FNTA: variants seen among roughly 807,000 people sequenced by gnomAD.
The protein encoded by FNTA is farnesyltransferase, CAAX box, subunit alpha.
A neutral mutation model predicts 55.2 loss-of-function variants in FNTA; 27 were observed. The observed-to-expected ratio is 0.49, with a 90% CI of 0.36 to 0.67. FNTA has a LOEUF of 0.67. Ranked by LOEUF, FNTA falls within the 30% of genes least tolerant of loss-of-function variation. FNTA has a pLI of 0.00. For synonymous variants in FNTA, 176 were observed against 170.7 expected, an observed-to-expected ratio of 1.03 and a Z score of -0.24; for missense variants, 422 against 464.7, an observed-to-expected ratio of 0.91 and a Z score of 0.85.
rs143040744 is a variant in FNTA, at chr8:43,061,356, T to A, written c.286+2179T>A. ...ACTTCACATTTTACTGACTGTGTAATCTTGGACAAGTTATTTAACTCCTAT... is the reference window on the plus strand; with the variant it reads ...ACTTCACATTTTACTGACTGTGTAAACTTGGACAAGTTATTTAACTCCTAT... On this transcript the variant is annotated intron_variant, in intron 2 of 8. Transcript: ENST00000302279. 2.0e-3 allele frequency among the ~76,000 whole-genome samples: 304 copies of A among 152,362 alleles called. 1 individual carries two copies. The highest frequency in any genetic ancestry group is 0.011 in the South Asian group (53 of 4,830).
intron 8 of FNTA, 90 bp downstream of exon 8, chr8:43,084,971 G>T: frequency 2.2e-6 from 3 of 1,362,222 alleles, no homozygotes; most frequent in Non-Finnish European, 3.1e-6. Flanking sequence ...TTTCAACATC[G>T]TTCCTCAGAA....
chr8:43,062,018 C>G (rs938496700), intron 2 of FNTA, among the ~76,000 whole-genome samples: 1 of 152,046 alleles, frequency 6.6e-6, no homozygotes, highest in Non-Finnish European at 1.5e-5. Flanking sequence ...CGCGCCTGGT[C>G]TGTTTATAAT....
rs190353526 is a variant in FNTA at position 43,068,737 on chromosome 8, A to T, written c.402-818A>T. Among the ~76,000 whole-genome samples the T allele has an allele frequency of 5.4e-3, 814 of 152,118 alleles. 19 individuals are homozygous for T. Among genetic ancestry groups the T allele is most frequent in the Admixed American group, 0.045 (694 of 15,276 alleles). On this transcript the variant is annotated intron_variant, in intron 3 of 8. Coordinates refer to ENST00000302279, the MANE Select transcript of FNTA (RefSeq NM_002027.3). The stretch of plus-strand genomic sequence containing the variant: ...CACTATTTTTTTCTTTTTGAGACAG[A>T]GTTTTGCTCTTGTTGCCCAGTCTGG...
chr8:43,067,992 C>T (rs561032879), intron 3 of FNTA, among the ~76,000 whole-genome samples: 2 of 152,178 alleles, frequency 1.3e-5, no homozygotes, highest in African/African-American at 2.4e-5. Flanking sequence ...TTCCGACTCC[C>T]GGCTTCAAGC....
chr8:43,084,944 C>G, intron 8 of FNTA, 63 bp downstream of exon 8: 2 of 1,448,484 alleles, frequency 1.4e-6, no homozygotes, highest in Admixed American at 3.8e-5. Flanking sequence ...CCCAATACCA[C>G]TAATATCCAT....
At position 43,064,230 on chromosome 8, in the gene FNTA, T is replaced by A; in HGVS notation, c.401+15T>A. ...TATACAGTGTGGTAAGTAATACACATCATCAGTATTCCCTGCTTAAATGTT... is the reference window on the plus strand; with the variant it reads ...TATACAGTGTGGTAAGTAATACACAACATCAGTATTCCCTGCTTAAATGTT... On this transcript the variant is annotated intron_variant, in intron 3 of 8. Transcript: ENST00000302279. 1 of 1,396,836 alleles carries A rather than the reference T, an allele frequency of 7.2e-7. No individual in the cohort carries two copies. Among genetic ancestry groups the A allele is most frequent in the Non-Finnish European group, 1.0e-6 (1 of 984,296 alleles). The allele number at this position is 1,396,836 out of a possible 1,614,324, so 86.5% of individuals were successfully genotyped here. A position where few individuals can be genotyped will look rare whatever the true frequency, so the allele number is the denominator to read the frequency against.
chr8:43,060,586 A>G (rs1401315959), intron 2 of FNTA, among the ~76,000 whole-genome samples: 2 of 151,866 alleles, frequency 1.3e-5, no homozygotes, highest in Non-Finnish European at 2.9e-5. Context: ...GAGGCAGGAG[A>G]ATTGCTTGAA....
rs1371093362 is a variant in FNTA at position 43,072,290 on chromosome 8, C to T, written c.616C>T (p.Arg206Ter). 6.3e-7 allele frequency: 1 copy of T among 1,581,914 alleles called. No individual in the cohort carries two copies. Among genetic ancestry groups the T allele is most frequent in the Non-Finnish European group, 8.6e-7 (1 of 1,164,344 alleles). ...DAKNYHAWQH[R>*]QWVIQEFKLW... ...AAAGAATTATCATGCCTGGCAGCATCGACAATGGGTTATTCAGGTATTGCC... is the reference window on the plus strand; with the variant it reads ...AAAGAATTATCATGCCTGGCAGCATTGACAATGGGTTATTCAGGTATTGCC... The change falls in exon 5 of 9, where the codon CGA becomes TGA. Residue 206 changes from arginine (R) to a stop codon, truncating the protein, a stop_gained. Coordinates refer to ENST00000302279, the MANE Select transcript of FNTA (RefSeq NM_002027.3). LOFTEE classifies it high-confidence loss of function.
chr8:43,059,015 T>C, intron 1 of FNTA, 77 bp from the exon 2 acceptor site: 1 of 1,039,504 alleles, frequency 9.6e-7, no homozygotes, highest in Non-Finnish European at 1.5e-6. Flanking sequence ...CTGTAATTAT[T>C]GTCATTTTAA....
In FNTA at chr8:43,085,377, T is replaced by C; in HGVS notation, c.*95T>C. 8.5e-7 allele frequency: 1 copy of C among 1,180,562 alleles called. No homozygotes were observed. Among genetic ancestry groups the C allele is most frequent in the Non-Finnish European group, 1.2e-6 (1 of 819,586 alleles). The allele number at this position is 1,180,562 out of a possible 1,614,324, so 73.1% of individuals were successfully genotyped here. ...GAGTGGTCCTTCCCTTTGCCTGTGGTGTAAAAGTGCATCACACAGGTATTG... is the reference window on the plus strand; with the variant it reads ...GAGTGGTCCTTCCCTTTGCCTGTGGCGTAAAAGTGCATCACACAGGTATTG... On this transcript the variant is annotated 3_prime_UTR_variant, in exon 9 of 9. Coordinates refer to ENST00000302279, the MANE Select transcript of FNTA (RefSeq NM_002027.3).
intron 5 of FNTA, among the ~76,000 whole-genome samples, chr8:43,075,010 G>C (rs1391195250): frequency 6.6e-6 from 1 of 152,134 alleles, no homozygotes; most frequent in East Asian, 1.9e-4. Context: ...TTAGTAAGAT[G>C]TTTACCATTT....
chr8:43,061,893 A>G (rs1810541328), intron 2 of FNTA, among the ~76,000 whole-genome samples: 2 of 151,880 alleles, frequency 1.3e-5, no homozygotes, highest in East Asian at 1.9e-4. Context: ...CTAATTTTGC[A>G]TTTTTAGTAG....
At chr8:43,058,766 G>C (rs1472401486) in intron 1 of FNTA, among the ~76,000 whole-genome samples, 1 of 152,104 alleles carries the variant, frequency 6.6e-6, no homozygotes, top group Admixed American at 6.6e-5. Flanking sequence ...GACAGAGTGA[G>C]ATTCCGTCTC....
chr8:43,072,447 C>T (rs1810814449), intron 5 of FNTA, 140 bp downstream of exon 5: 2 of 492,320 alleles, frequency 4.1e-6, no homozygotes, highest in Non-Finnish European at 3.2e-6. Flanking sequence ...AATTATTGGC[C>T]ATGTGTGGTG....
chr8:43,064,372 G>C (rs1461696041), intron 3 of FNTA, among the ~76,000 whole-genome samples, 157 bp downstream of exon 3: 1 of 151,982 alleles, frequency 6.6e-6, no homozygotes, highest in Non-Finnish European at 1.5e-5. Context: ...AGTATAACTG[G>C]TACAATCTTG....
intron 1 of FNTA, among the ~76,000 whole-genome samples, chr8:43,058,433 CAAAG>C (rs1810461212): frequency 1.3e-5 from 2 of 152,126 alleles, no homozygotes; most frequent in South Asian, 2.1e-4. Flanking sequence ...CTGACTGACT[CAAAG>C]AATCTTACTA....
In FNTA at chr8:43,077,287, T is replaced by C. The variant is rs769958032; in HGVS notation, c.705T>C (p.Ser235=). ...TGAAAGAGGATGTGAGAAATAACTCTGTCTGGAACCAAAGATACTTCGTTA... is the reference window on the plus strand; with the variant it reads ...TGAAAGAGGATGTGAGAAATAACTCCGTCTGGAACCAAAGATACTTCGTTA... The part of the protein sequence containing the change: ...QLLKEDVRNN[S]VWNQRYFVIS... The change falls in exon 6 of 9, where the codon TCT becomes TCC. Residue 235 remains serine, a synonymous_variant. Transcript: ENST00000302279. 3 of 1,612,134 alleles carry C rather than the reference T, an allele frequency of 1.9e-6. No homozygotes were observed. Among genetic ancestry groups the C allele is most frequent in the Non-Finnish European group, 2.5e-6 (3 of 1,178,606 alleles).
At chr8:43,060,415 C>G (rs1392178550) in intron 2 of FNTA, among the ~76,000 whole-genome samples, 1 of 152,136 alleles carries the variant, frequency 6.6e-6, no homozygotes, top group African/African-American at 2.4e-5. Context: ...TGGCTCACGC[C>G]TGTAATCCCA....
At chr8:43,063,134 C>G (rs530985482) in intron 2 of FNTA, 2 of 345,358 alleles carry the variant, frequency 5.8e-6, no homozygotes, top group Non-Finnish European at 1.1e-5. Flanking sequence ...CACCCAGGCT[C>G]GGTGCTTGCG....
Sources: allele counts gnomAD v4.1 joint callset (sites outside exome capture counted in the v4.1 genomes callset), GRCh38; gene constraint gnomAD v4.1.1; transcripts MANE v1.5; gene names NCBI Gene and HGNC (gene_info 2026-07-23, HGNC 2026-07-21).